PXN: variants seen among roughly 807,000 people sequenced by gnomAD.
PXN encodes testicular tissue protein Li 134.
A neutral mutation model predicts 103.6 loss-of-function variants in PXN; 61 were observed. That is an observed-to-expected ratio of 0.59 (90% CI 0.48 to 0.73). The LOEUF (loss-of-function observed/expected upper bound fraction) is 0.73, where lower values mean the gene tolerates loss of function less well. PXN is among the 30% of genes least tolerant of loss of function. The pLI, the probability that PXN is intolerant of heterozygous loss-of-function variation, is 0.00. For synonymous variants in PXN, 562 were observed against 607.8 expected (o/e 0.92, Z 1.11); for missense variants, 1,274 against 1,460.3 (o/e 0.87, Z 2.08).
intron 1 of PXN, among the ~76,000 whole-genome samples, chr12:120,236,381 T>G (rs1248156376): frequency 3.3e-5 from 5 of 151,926 alleles, no homozygotes; most frequent in Non-Finnish European, 7.4e-5. Flanking sequence ...TACAGTGGCA[T>G]GATCACAGCT....
intron 1 of PXN, among the ~76,000 whole-genome samples, chr12:120,251,290 G>T (rs1349600778): frequency 1.3e-5 from 2 of 151,400 alleles, no homozygotes; most frequent in Admixed American, 1.3e-4. Flanking sequence ...GGCCAAGGCA[G>T]GTGGATCACT....
intron 1 of PXN, among the ~76,000 whole-genome samples, chr12:120,239,675 T>G (rs990703323): frequency 2.5e-4 from 38 of 152,164 alleles, no homozygotes; most frequent in Admixed American, 2.0e-3. Context: ...TGCTTGAACC[T>G]GGGAGGCGGA....
intron 1 of PXN, among the ~76,000 whole-genome samples, chr12:120,260,251 T>C (rs1169652474): frequency 2.0e-5 from 3 of 152,198 alleles, no homozygotes; most frequent in Non-Finnish European, 4.4e-5. Flanking sequence ...GGCTCACGCC[T>C]GTAATGCCAA....
rs974151485 is a variant in PXN, at chr12:120,229,121, C to T, written c.14-4744G>A. On this transcript the variant is annotated intron_variant, in intron 1 of 14. Transcript: ENST00000637617. This position sits in a 1 kb window ranked among gnomAD's most constrained non-coding sequence, Gnocchi z 4.0. The stretch of plus-strand genomic sequence containing the variant: ...CATTCCTGTACCCACCTAGGGGCTC[C>T]GGGTGGAAGGAAACCTGGGTCCCCT... 7.9e-5 allele frequency among the ~76,000 whole-genome samples: 12 copies of T among 152,184 alleles called. No homozygotes were observed. The highest frequency in any genetic ancestry group is 6.5e-5 in the Admixed American group (1 of 15,284).
Position 120,217,068 on chromosome 12 carries a change from TG to T in PXN, c.1764del (p.Met589CysfsTer16). On this transcript the variant is annotated frameshift_variant, in exon 8 of 15. Coordinates refer to ENST00000637617, the MANE Select transcript of PXN (RefSeq NM_001385981.1). LOFTEE classifies it high-confidence loss of function. The surrounding 1 kb of genome is among the most constrained non-coding windows in gnomAD (Gnocchi z 4.1). ...RRSWESGHAH[P>X]MSREPSPRRR... The stretch of plus-strand genomic sequence containing the variant: ...CGGCGAGGGGAGGGCTCCCGGGACA[TG>T]GGGTGTGCGTGGCCAGACTCCCAGC... 6.3e-7 allele frequency: 1 copy of T among 1,591,636 alleles called. No homozygotes were observed.
intron 1 of PXN, among the ~76,000 whole-genome samples, chr12:120,235,408 G>T (rs538363801): frequency 6.6e-6 from 1 of 152,218 alleles, no homozygotes; most frequent in East Asian, 1.9e-4. Context: ...TGTTGCCAGG[G>T]ATTAGAATGC....
intron 1 of PXN, among the ~76,000 whole-genome samples, chr12:120,252,983 A>T (rs1012404510): frequency 7.7e-5 from 11 of 142,524 alleles, no homozygotes; most frequent in African/African-American, 2.9e-4. Flanking sequence ...TGGGTGACGC[A>T]GTGAGACTCT....
Position 120,213,078 on chromosome 12 carries a change from T to G in PXN, c.2980-498A>C, listed in dbSNP as rs1880884292. 1 of 154,248 alleles carries G rather than the reference T, an allele frequency of 6.5e-6. No homozygotes were observed. 9.6% of individuals were successfully genotyped at this position (154,248 alleles called of 1,614,324 possible). ...ATTGGAGATTCACATCACATATAGG[T>G]AGAAAAGGCTCTGAGAGGGGCCGGG... On this transcript the variant is annotated intron_variant, in intron 14 of 14. Transcript: ENST00000637617. This position sits in a 1 kb window ranked among gnomAD's most constrained non-coding sequence, Gnocchi z 4.2.
chr12:120,251,463 G>A (rs560833103), intron 1 of PXN, among the ~76,000 whole-genome samples: 71 of 151,896 alleles, frequency 4.7e-4, no homozygotes, highest in Non-Finnish European at 8.4e-4. Context: ...GCTGCAGTGA[G>A]CTGAGATCAC....
chr12:120,213,491 C>G lies in PXN; in HGVS notation c.2979+351G>C, dbSNP rs560352588. ...AATCATTAATAACCCCTGTGGGGCC[C>G]CCAGAATGCAGTGGTTTTGGAAACC... is the stretch of plus-strand genomic sequence containing the variant. On this transcript the variant is annotated intron_variant, in intron 14 of 14. Coordinates refer to ENST00000637617, the MANE Select transcript of PXN (RefSeq NM_001385981.1). This position sits in a 1 kb window ranked among gnomAD's most constrained non-coding sequence, Gnocchi z 4.2. Among the ~76,000 whole-genome samples, 1 of 152,374 alleles carries G rather than the reference C, an allele frequency of 6.6e-6. No individual in the cohort carries two copies. Among genetic ancestry groups the G allele is most frequent in the African/African-American group, 2.4e-5 (1 of 41,592 alleles).
intron 1 of PXN, among the ~76,000 whole-genome samples, chr12:120,255,438 C>G (rs1415830256): frequency 6.6e-6 from 1 of 152,200 alleles, no homozygotes; most frequent in Non-Finnish European, 1.5e-5. Context: ...TGGCTCACAC[C>G]TGTAATCCCA....
rs1468824709 is a variant in PXN, at chr12:120,229,741, G to T, written c.14-5364C>A. On this transcript the variant is annotated intron_variant, in intron 1 of 14. Coordinates refer to ENST00000637617, the MANE Select transcript of PXN (RefSeq NM_001385981.1). The surrounding 1 kb of genome is among the most constrained non-coding windows in gnomAD (Gnocchi z 4.0). ...AGGTGTTAAGCCCTAGGAGGGGAAA[G>T]AAATCACCTCCCCGTCCTATCCAAT... Among the ~76,000 whole-genome samples the T allele has an allele frequency of 3.9e-5, 6 of 152,176 alleles. No individual in the cohort carries two copies.
chr12:120,243,546 G>T (rs927134629), intron 1 of PXN, among the ~76,000 whole-genome samples: 5 of 152,116 alleles, frequency 3.3e-5, no homozygotes, highest in African/African-American at 1.2e-4. Context: ...TTAAAAATTC[G>T]CCAGGTGCTA....
In PXN at chr12:120,248,081, C is replaced by T. The variant is rs117187009; in HGVS notation, c.13+17536G>A. 9.1e-3 allele frequency among the ~76,000 whole-genome samples: 1,382 copies of T among 152,292 alleles called. 13 individuals are homozygous for T. The highest frequency in any genetic ancestry group is 0.044 in the South Asian group (212 of 4,824). ...CCTAGTTGGAAACTGGAGACTTTGA[C>T]TCTCCAGTTGAGAAAGCTCAATAAT... On this transcript the variant is annotated intron_variant, in intron 1 of 14. Transcript: ENST00000637617.
At chr12:120,249,963 A>G in intron 1 of PXN, 1 of 985,488 alleles carries the variant, frequency 1.0e-6, no homozygotes, top group South Asian at 4.7e-5. Context: ...AGGACCTTCC[A>G]AGACAGGCAG....
intron 7 of PXN, among the ~76,000 whole-genome samples, chr12:120,218,599 C>T (rs1381182806): frequency 2.0e-5 from 3 of 152,164 alleles, no homozygotes; most frequent in South Asian, 2.1e-4. Flanking sequence ...TGGCCTCGAA[C>T]TCCCAACCTC....
At position 120,222,896 on chromosome 12, in the gene PXN, C is replaced by T. The variant is rs757867300; in HGVS notation, c.460G>A (p.Ala154Thr). The part of the protein sequence containing the change: ...ELDRLLLELN[A>T]VQHNPPGFPA... ...AAGCCTGGCGGGTTATGCTGTACAG[C>T]GTTCAGTTCCAGCAGCAGGCGGTCG... The change falls in exon 4 of 15, where the codon GCT becomes ACT. Residue 154 changes from alanine to threonine, a missense_variant. Physicochemically the swap from Ala to Thr is moderately conservative, Grantham distance 58 (BLOSUM62 0). This residue lies in a region of PXN where 1,178 missense variants were observed against 1,309.0 expected (regional missense o/e 0.90). Coordinates refer to ENST00000637617, the MANE Select transcript of PXN (RefSeq NM_001385981.1). This position sits in a 1 kb window ranked among gnomAD's most constrained non-coding sequence, Gnocchi z 4.7. The T allele has an allele frequency of 1.5e-5, 25 of 1,613,772 alleles. No homozygotes were observed. Among genetic ancestry groups the T allele is most frequent in the Middle Eastern group, 3.3e-4 (2 of 6,084 alleles).
At chr12:120,241,377 C>T (rs1890102780) in intron 1 of PXN, among the ~76,000 whole-genome samples, 1 of 152,226 alleles carries the variant, frequency 6.6e-6, no homozygotes, top group African/African-American at 2.4e-5. Context: ...AGGCACAAAA[C>T]AGATGTGGCC....
intron 1 of PXN, among the ~76,000 whole-genome samples, chr12:120,248,492 TCACACA>T (rs3221954): frequency 0.084 from 10,702 of 127,842 alleles, 643 homozygotes; most frequent in East Asian, 0.36. Context: ...CAGATGACTT[TCACACA>T]CACACACACA....
Sources: allele counts gnomAD v4.1 joint callset (sites outside exome capture counted in the v4.1 genomes callset), GRCh38; gene constraint gnomAD v4.1.1; regional missense constraint gnomAD v4.1.1; non-coding constraint Gnocchi (gnomAD v3.1); transcripts MANE v1.5; gene names NCBI Gene and HGNC (gene_info 2026-07-23, HGNC 2026-07-21).